The following PACRG variants were observed in gnomAD, a reference collection of about 807,000 sequenced individuals.
The protein encoded by PACRG is parkin coregulated gene protein.
In PACRG, 29 loss-of-function variants were observed where a neutral mutation model predicts 29.7. That is an observed-to-expected ratio of 0.98 (90% confidence interval 0.73 to 1.33). The LOEUF is 1.33. PACRG is among the 40% of genes most tolerant of loss of function. PACRG has a pLI of 0.00. For missense variants in PACRG, 279 were observed against 316.2 expected, an observed-to-expected ratio of 0.88 and a Z score of 0.89; for synonymous variants, 116 against 118.7, an observed-to-expected ratio of 0.98 and a Z score of 0.15.
intron 2 of PACRG, among the ~76,000 whole-genome samples, chr6:163,026,163 A>G (rs978509814): frequency 1.1e-4 from 17 of 152,212 alleles, no homozygotes; most frequent in African/African-American, 4.1e-4. Flanking sequence ...TTTTATAAGA[A>G]ATCAATTTGA....
At chr6:163,265,453 G>A (rs1783496698) in intron 4 of PACRG, among the ~76,000 whole-genome samples, 1 of 152,112 alleles carries the variant, frequency 6.6e-6, no homozygotes, top group South Asian at 2.1e-4. Context: ...GAAGAAATGT[G>A]GGTAAATACA....
intron 2 of PACRG, among the ~76,000 whole-genome samples, chr6:162,837,638 A>G (rs1789346866): frequency 6.6e-6 from 1 of 152,212 alleles, no homozygotes; most frequent in Non-Finnish European, 1.5e-5. Flanking sequence ...GACATTTTCC[A>G]ATAAGTTAAT....
chr6:163,008,548 A>G (rs947906004), intron 2 of PACRG, among the ~76,000 whole-genome samples: 2 of 151,212 alleles, frequency 1.3e-5, no homozygotes, highest in Non-Finnish European at 1.5e-5. Flanking sequence ...TAATCATTAG[A>G]CAAAGGATCG....
chr6:163,075,533 A>G (rs1368487173), intron 3 of PACRG, among the ~76,000 whole-genome samples: 2 of 152,204 alleles, frequency 1.3e-5, no homozygotes, highest in East Asian at 1.9e-4. Context: ...ATCCATCAAT[A>G]TATAAAAAAT....
chr6:163,179,174 A>C (rs762844239), intron 4 of PACRG: 2 of 455,852 alleles, frequency 4.4e-6, no homozygotes, highest in Non-Finnish European at 8.8e-6. Context: ...CTTGGCTCAC[A>C]CTGATGTCCG....
rs187036408 is a variant in PACRG at position 163,298,949 on chromosome 6, T to C, written c.614-15878T>C. On this transcript the variant is annotated intron_variant, in intron 4 of 4. Transcript: ENST00000366888. ...ATCTTCTGGATCATCGTGCCTGTAGTGGCCCCCCAAGTCCATCTCTACCAC... is the reference window on the plus strand; with the variant it reads ...ATCTTCTGGATCATCGTGCCTGTAGCGGCCCCCCAAGTCCATCTCTACCAC... Among the ~76,000 whole-genome samples the C allele has an allele frequency of 1.1e-4, 17 of 152,350 alleles. No individual in the cohort carries two copies. The East Asian group carries it at 2.9e-3, about 26-fold the overall frequency.
intron 4 of PACRG, among the ~76,000 whole-genome samples, chr6:163,250,070 T>A (rs1782843067): frequency 6.6e-6 from 1 of 152,198 alleles, no homozygotes; most frequent in Non-Finnish European, 1.5e-5. Context: ...CAAGTGGTCA[T>A]AAGGTGATAG....
intron 2 of PACRG, among the ~76,000 whole-genome samples, chr6:163,008,592 C>T (rs1805339313): frequency 6.7e-6 from 1 of 149,598 alleles, no homozygotes. Context: ...TTGGCCAAAG[C>T]GATTTAATCA....
At chr6:163,011,727 A>G (rs1228857038) in intron 2 of PACRG, among the ~76,000 whole-genome samples, 1 of 152,228 alleles carries the variant, frequency 6.6e-6, no homozygotes, top group Non-Finnish European at 1.5e-5. Flanking sequence ...TAAAACACAA[A>G]CACATTATAC....
chr6:163,181,229 T>C (rs942635), intron 4 of PACRG, among the ~76,000 whole-genome samples: 124,583 of 152,074 alleles, frequency 0.82, 51,099 homozygotes, highest in Non-Finnish European at 0.84. Flanking sequence ...TTTACTCCCA[T>C]ACCTCGGGCT....
At chr6:163,044,945 C>A (rs891887742) in intron 2 of PACRG, among the ~76,000 whole-genome samples, 2 of 152,222 alleles carry the variant, frequency 1.3e-5, no homozygotes, top group Non-Finnish European at 2.9e-5. Flanking sequence ...ATTAGATAAT[C>A]TGGTTGCTCC....
chr6:163,222,944 G>T (rs1236322095), intron 4 of PACRG, among the ~76,000 whole-genome samples: 1 of 152,160 alleles, frequency 6.6e-6, no homozygotes, highest in East Asian at 1.9e-4. Flanking sequence ...TAATGATTAT[G>T]TAGCTCAAAA....
At chr6:162,865,790 T>C (rs532634963) in intron 2 of PACRG, among the ~76,000 whole-genome samples, 4 of 149,088 alleles carry the variant, frequency 2.7e-5, no homozygotes, top group South Asian at 2.1e-4. Context: ...ATTTACTAGA[T>C]TTTTTTTTTC....
chr6:163,198,440 A>ATG (rs748626713), intron 4 of PACRG, among the ~76,000 whole-genome samples: 118 of 152,168 alleles, frequency 7.8e-4, no homozygotes, highest in Non-Finnish European at 1.5e-3. Context: ...AGCACTTTAC[A>ATG]TGTGTGTGTG....
At chr6:163,272,252 T>C (rs1313148031) in intron 4 of PACRG, among the ~76,000 whole-genome samples, 1 of 152,190 alleles carries the variant, frequency 6.6e-6, no homozygotes, top group Non-Finnish European at 1.5e-5. Flanking sequence ...TTGGTCAGGC[T>C]GGTCTTGAAC....
intron 2 of PACRG, among the ~76,000 whole-genome samples, chr6:163,052,856 C>G (rs1810162564): frequency 6.6e-6 from 1 of 151,974 alleles, no homozygotes; most frequent in Non-Finnish European, 1.5e-5. Flanking sequence ...GACCAAAGGT[C>G]ATTGTAAGAT....
chr6:163,068,464 T>C (rs1039306334), intron 3 of PACRG, among the ~76,000 whole-genome samples: 1 of 149,996 alleles, frequency 6.7e-6, no homozygotes, highest in Non-Finnish European at 1.5e-5. Flanking sequence ...TGAAATTTTA[T>C]GTGGATATAC....
At chr6:162,852,607 T>C (rs1220183051) in intron 2 of PACRG, among the ~76,000 whole-genome samples, 1 of 152,246 alleles carries the variant, frequency 6.6e-6, no homozygotes, top group Non-Finnish European at 1.5e-5. Flanking sequence ...CTCTTGATAG[T>C]CCAGGCTTTT....
chr6:163,182,313 G>T (rs1386728270), intron 4 of PACRG, among the ~76,000 whole-genome samples: 1 of 152,130 alleles, frequency 6.6e-6, no homozygotes, highest in African/African-American at 2.4e-5. Context: ...TAACAATTTC[G>T]AGGCTTTCCT....
Sources: gnomAD v4.1 joint callset for allele counts (sites outside exome capture counted in the v4.1 genomes callset) on GRCh38, gnomAD v4.1.1 for gene constraint, MANE v1.5 for transcripts, NCBI Gene and HGNC (gene_info 2026-07-23, HGNC 2026-07-21) for gene names.